PKIA: variants seen among roughly 807,000 people sequenced by gnomAD.
PKIA encodes the protein cAMP-dependent protein kinase inhibitor alpha.
In PKIA, 4 loss-of-function variants were observed where a neutral mutation model predicts 7.6. That is an observed-to-expected ratio of 0.52 (90% CI 0.26 to 1.20). The LOEUF is 1.20. Among genes scored for constraint, PKIA ranks in the 50% most tolerant of loss-of-function variants. The pLI is 0.13. For synonymous variants in PKIA, 21 were observed against 30.7 expected (o/e 0.68, Z 1.04); for missense variants, 73 against 86.2 (o/e 0.85, Z 0.61).
chr8:78,577,548 T>C (rs1807704346), intron 2 of PKIA, among the ~76,000 whole-genome samples: 17 of 151,966 alleles, frequency 1.1e-4, no homozygotes, highest in Admixed American at 1.1e-3. Context: ...TTCTTACTTT[T>C]CAAAGTAACC....
chr8:78,549,542 G>A (rs1806927934), intron 1 of PKIA, among the ~76,000 whole-genome samples: 2 of 151,788 alleles, frequency 1.3e-5, no homozygotes, highest in African/African-American at 4.8e-5. Context: ...CAGAGTTCTA[G>A]ATAAAACCAT....
At chr8:78,542,656 T>C (rs1476118545) in intron 1 of PKIA, among the ~76,000 whole-genome samples, 7 of 152,136 alleles carry the variant, frequency 4.6e-5, no homozygotes, top group Admixed American at 2.6e-4. Context: ...TGGTTTCATT[T>C]TTCTTCCTAT....
chr8:78,586,540 A>G (rs1256268076), intron 2 of PKIA, among the ~76,000 whole-genome samples: 1 of 152,144 alleles, frequency 6.6e-6, no homozygotes, highest in Non-Finnish European at 1.5e-5. Context: ...TTTGTGGGAG[A>G]TGGAATAGGA....
intron 1 of PKIA, among the ~76,000 whole-genome samples, chr8:78,570,466 T>G (rs1429870370): frequency 6.6e-6 from 1 of 152,176 alleles, no homozygotes; most frequent in Non-Finnish European, 1.5e-5. Flanking sequence ...TAATGAACTA[T>G]TAACTAAACT....
intron 1 of PKIA, among the ~76,000 whole-genome samples, chr8:78,528,658 TAA>T (rs755210393): frequency 5.1e-4 from 61 of 120,038 alleles, no homozygotes; most frequent in Admixed American, 6.0e-4. Flanking sequence ...ACCCTGTCTC[TAA>T]AAAAAAAAAA....
At chr8:78,570,520 C>G (rs1174028887) in intron 1 of PKIA, among the ~76,000 whole-genome samples, 2 of 152,084 alleles carry the variant, frequency 1.3e-5, no homozygotes, top group Non-Finnish European at 2.9e-5. Flanking sequence ...ACAATCAAGC[C>G]CCAGTATTTC....
intron 1 of PKIA, among the ~76,000 whole-genome samples, chr8:78,562,522 A>C (rs1213827728): frequency 6.6e-6 from 1 of 152,134 alleles, no homozygotes; most frequent in Admixed American, 6.5e-5. Context: ...TCTCTTCCAG[A>C]CCTTCATGGG....
chr8:78,600,467 ATGG>A (rs1293542489), intron 3 of PKIA, among the ~76,000 whole-genome samples: 2 of 152,118 alleles, frequency 1.3e-5, no homozygotes, highest in East Asian at 3.8e-4. Context: ...CCCAAGCCCC[ATGG>A]GAGTCAAGTT....
At chr8:78,560,804 A>C (rs1264319787) in intron 1 of PKIA, among the ~76,000 whole-genome samples, 1 of 152,120 alleles carries the variant, frequency 6.6e-6, no homozygotes, top group African/African-American at 2.4e-5. Context: ...GATACATAAC[A>C]TTTTATCTGA....
chr8:78,597,712 T>C (rs1288580924), intron 2 of PKIA, among the ~76,000 whole-genome samples: 3 of 152,170 alleles, frequency 2.0e-5, no homozygotes, highest in Non-Finnish European at 4.4e-5. Context: ...TGGCCCATTC[T>C]CTATTTTTGT....
intron 2 of PKIA, among the ~76,000 whole-genome samples, chr8:78,580,148 G>A (rs1000269312): frequency 6.6e-6 from 1 of 151,920 alleles, no homozygotes; most frequent in Non-Finnish European, 1.5e-5. Context: ...AAGTTGCGAA[G>A]TATTAAAATA....
At chr8:78,574,933 C>A (rs970325516) in intron 2 of PKIA, among the ~76,000 whole-genome samples, 31 of 151,772 alleles carry the variant, frequency 2.0e-4, no homozygotes, top group African/African-American at 6.8e-4. Context: ...TAGGGAGCTT[C>A]ATTAGGTAGC....
rs138249990 is a variant in PKIA at position 78,595,673 on chromosome 8, G to C, written c.-27-2685G>C. On this transcript the variant is annotated intron_variant, in intron 2 of 3. Coordinates refer to ENST00000396418, the MANE Select transcript of PKIA (RefSeq NM_006823.4). ...GTTTTTAGCTACCACTTATAAGTGA[G>C]AACGTGCAGTGTTTGGTTTTCTGTT... 1.2e-3 allele frequency among the ~76,000 whole-genome samples: 186 copies of C among 152,242 alleles called. 1 individual carries two copies. The highest frequency in any genetic ancestry group is 4.3e-3 in the African/African-American group (179 of 41,520).
At chr8:78,563,581 T>TA (rs1317748843) in intron 1 of PKIA, among the ~76,000 whole-genome samples, 2 of 152,040 alleles carry the variant, frequency 1.3e-5, no homozygotes, top group East Asian at 3.8e-4. Context: ...AGTCTAGAAA[T>TA]AAAAAGACAA....
chr8:78,571,146 CT>C (rs76005007), intron 1 of PKIA, among the ~76,000 whole-genome samples: 4,774 of 139,432 alleles, frequency 0.034, 169 homozygotes, highest in African/African-American at 0.1. Flanking sequence ...TTAATTTTTC[CT>C]TTTTTTTTTT....
chr8:78,554,571 T>C (rs1019319981), intron 1 of PKIA, among the ~76,000 whole-genome samples: 1 of 151,960 alleles, frequency 6.6e-6, no homozygotes, highest in African/African-American at 2.4e-5. Context: ...TATCCATGAT[T>C]CAGATGTGGC....
intron 1 of PKIA, chr8:78,534,390 T>G (rs1806467444): frequency 6.6e-6 from 1 of 152,144 alleles, no homozygotes; most frequent in Non-Finnish European, 1.5e-5. Flanking sequence ...TCTCAACATC[T>G]GCAATGCCAA....
intron 1 of PKIA, among the ~76,000 whole-genome samples, chr8:78,563,707 A>G (rs1807337695): frequency 6.6e-6 from 1 of 152,108 alleles, no homozygotes; most frequent in African/African-American, 2.4e-5. Context: ...TAAACTATTG[A>G]GTAAATAGGA....
intron 1 of PKIA, among the ~76,000 whole-genome samples, chr8:78,516,861 A>G (rs746545562): frequency 6.6e-6 from 1 of 152,144 alleles, no homozygotes; most frequent in Non-Finnish European, 1.5e-5. Flanking sequence ...GTAATCAGAA[A>G]TCGTCCCTCT....
Sources: gnomAD v4.1 joint callset for allele counts (sites outside exome capture counted in the v4.1 genomes callset) on GRCh38, gnomAD v4.1.1 for gene constraint, MANE v1.5 for transcripts, NCBI Gene and HGNC (gene_info 2026-07-23, HGNC 2026-07-21) for gene names.